Variants in DHRSX observed in about 807,000 individuals in gnomAD.
The protein encoded by DHRSX is dehydrogenase/reductase X-linked.
In DHRSX, 31 loss-of-function variants were observed where a neutral mutation model predicts 34.0. The ratio of observed to expected loss-of-function variants is 0.91; its 90% CI spans 0.69 to 1.23. The LOEUF is 1.23. DHRSX is among the 50% of genes most tolerant of loss of function. The pLI is 0.00. For synonymous variants in DHRSX, 201 were observed against 183.8 expected (o/e 1.09, Z -0.76); for missense variants, 414 against 428.1 (o/e 0.97, Z 0.29).
At chrX:2,347,006 T>C (rs1367724871) in intron 3 of DHRSX, among the ~76,000 whole-genome samples, 1 of 152,218 alleles carries the variant, frequency 6.6e-6, no homozygotes, top group Non-Finnish European at 1.5e-5. Context: ...TGCATAGTAT[T>C]CCATGGTGTC....
At chrX:2,268,346 T>C (rs888304715) in intron 4 of DHRSX, among the ~76,000 whole-genome samples, 3 of 152,250 alleles carry the variant, frequency 2.0e-5, no homozygotes, top group African/African-American at 7.2e-5. Flanking sequence ...TGTACATGGA[T>C]AATGTAGATG....
chrX:2,335,972 G>C (rs369308834), intron 3 of DHRSX, among the ~76,000 whole-genome samples: 13 of 152,024 alleles, frequency 8.6e-5, no homozygotes, highest in African/African-American at 2.9e-4. Context: ...CTGAGTCATG[G>C]AGCACAGTGT....
chrX:2,432,980 C>T (rs1383966623), intron 1 of DHRSX, among the ~76,000 whole-genome samples: 4 of 151,756 alleles, frequency 2.6e-5, no homozygotes, highest in Non-Finnish European at 5.9e-5. Flanking sequence ...AAAAATTAAC[C>T]GGGTGTGGCG....
rs748383991 is a variant in DHRSX at position 2,240,970 on chromosome X, G to T, written c.804+2053C>A. 2.0e-3 allele frequency among the ~76,000 whole-genome samples: 305 copies of T among 152,124 alleles called. 1 individual carries two copies. The highest frequency in any genetic ancestry group is 6.7e-3 in the African/African-American group (278 of 41,498). On this transcript the variant is annotated intron_variant, in intron 6 of 6. Transcript: ENST00000334651. ...CGAGGCGGGCAGATTACTTGAGGTA[G>T]GTCAGGAGTTCGAGACCAGCTTGGC...
At chrX:2,432,078 C>G (rs2043932580) in intron 1 of DHRSX, among the ~76,000 whole-genome samples, 1 of 152,070 alleles carries the variant, frequency 6.6e-6, no homozygotes, top group East Asian at 1.9e-4. Context: ...CCTGTAATCC[C>G]AGCGACTCGG....
intron 2 of DHRSX, among the ~76,000 whole-genome samples, chrX:2,410,293 GA>G (rs995156459): frequency 4.3e-4 from 66 of 152,224 alleles, no homozygotes; most frequent in African/African-American, 1.6e-3. Flanking sequence ...GAGGGTCACG[GA>G]AAAAGTGTTG....
chrX:2,249,803 C>T (rs994432038), intron 5 of DHRSX, among the ~76,000 whole-genome samples: 41 of 151,580 alleles, frequency 2.7e-4, no homozygotes, highest in Non-Finnish European at 1.0e-4. Flanking sequence ...GGATTACAAG[C>T]GTGAGCCAAC....
intron 1 of DHRSX, among the ~76,000 whole-genome samples, chrX:2,439,486 C>G (rs1406185563): frequency 6.6e-6 from 1 of 152,138 alleles, no homozygotes; most frequent in Non-Finnish European, 1.5e-5. Flanking sequence ...GACCATTTTT[C>G]CACTGATGTG....
intron 6 of DHRSX, among the ~76,000 whole-genome samples, chrX:2,231,906 A>G (rs1023260519): frequency 7.3e-6 from 1 of 137,398 alleles, no homozygotes; most frequent in Non-Finnish European, 1.5e-5. Context: ...TCTTTCTCTT[A>G]TCTTCTTCTT....
intron 1 of DHRSX, among the ~76,000 whole-genome samples, chrX:2,439,719 G>C (rs2044040105): frequency 6.6e-6 from 1 of 152,110 alleles, no homozygotes; most frequent in African/African-American, 2.4e-5. Context: ...TTCATACGGA[G>C]CACGCCACCT....
intron 5 of DHRSX, among the ~76,000 whole-genome samples, chrX:2,246,349 T>A (rs1461526341): frequency 6.6e-6 from 1 of 151,808 alleles, no homozygotes; most frequent in Non-Finnish European, 1.5e-5. Context: ...GAGGGCTGGG[T>A]GCGTTGGCTC....
At chrX:2,297,185 T>G (rs1263257413) in intron 3 of DHRSX, among the ~76,000 whole-genome samples, 2 of 152,036 alleles carry the variant, frequency 1.3e-5, no homozygotes, top group Non-Finnish European at 2.9e-5. Context: ...TGCAAAGGTG[T>G]GATCTGGGCT....
At chrX:2,242,288 A>T (rs1293444103) in intron 6 of DHRSX, among the ~76,000 whole-genome samples, 1 of 152,060 alleles carries the variant, frequency 6.6e-6, no homozygotes, top group Non-Finnish European at 1.5e-5. Context: ...GCTCCTAAGA[A>T]GATTCATTTA....
chrX:2,355,511 TAAAAAAAAAAAAAAAAA>T (rs767512287), intron 3 of DHRSX, among the ~76,000 whole-genome samples: 18 of 75,304 alleles, frequency 2.4e-4, no homozygotes, highest in South Asian at 2.1e-3. Context: ...AGACCCCATC[TAAAAAAAAAAAAAAAAA>T]AAAAAAAAAA....
At chrX:2,351,040 T>C (rs2042782840) in intron 3 of DHRSX, among the ~76,000 whole-genome samples, 1 of 151,660 alleles carries the variant, frequency 6.6e-6, no homozygotes. Flanking sequence ...TGAGAACACA[T>C]GGACACAGGG....
chrX:2,359,717 T>C (rs746738017), intron 3 of DHRSX, among the ~76,000 whole-genome samples: 7 of 152,094 alleles, frequency 4.6e-5, no homozygotes, highest in South Asian at 2.1e-4. Flanking sequence ...ATATGGTACA[T>C]AGACACCATG....
At chrX:2,411,232 C>T (rs1043715314) in intron 2 of DHRSX, among the ~76,000 whole-genome samples, 16 of 152,048 alleles carry the variant, frequency 1.1e-4, no homozygotes, top group East Asian at 1.9e-4. Flanking sequence ...GCTGCTCTGC[C>T]GTATCAGCCA....
intron 1 of DHRSX, among the ~76,000 whole-genome samples, chrX:2,473,343 G>T (rs68032016): frequency 0.2 from 30,930 of 151,526 alleles, 4,234 homozygotes; most frequent in African/African-American, 0.39. Context: ...GAAAGGCGCC[G>T]CCAGGCGCGG....
intron 1 of DHRSX, among the ~76,000 whole-genome samples, chrX:2,470,467 G>T (rs1169428269): frequency 6.6e-6 from 1 of 152,106 alleles, no homozygotes; most frequent in Non-Finnish European, 1.5e-5. Flanking sequence ...CAGCTACTTG[G>T]GAGGCTGAGG....
Sources: gnomAD v4.1 joint callset for allele counts (sites outside exome capture counted in the v4.1 genomes callset) on GRCh38, gnomAD v4.1.1 for gene constraint, MANE v1.5 for transcripts, NCBI Gene and HGNC (gene_info 2026-07-23, HGNC 2026-07-21) for gene names.